The following ALKBH4 variants were observed in gnomAD, a reference collection of about 807,000 sequenced individuals.
The protein encoded by ALKBH4 is alpha-ketoglutarate-dependent dioxygenase alkB homolog 4.
A neutral mutation model predicts 12.1 loss-of-function variants in ALKBH4; 8 were observed. The observed-to-expected ratio is 0.66, with a 90% CI of 0.39 to 1.19. The LOEUF (loss-of-function observed/expected upper bound fraction) is 1.19, where lower values mean the gene tolerates loss of function less well. Among genes scored for constraint, ALKBH4 ranks in the 50% most tolerant of loss-of-function variants. The pLI, the probability that ALKBH4 is intolerant of heterozygous loss-of-function variation, is 0.01. For missense variants in ALKBH4, 403 were observed against 430.4 expected (o/e 0.94, Z 0.56); for synonymous variants, 195 against 191.6 (o/e 1.02, Z -0.15).
At chr7:102,461,928 C>G (rs1184934256) in intron 1 of ALKBH4, among the ~76,000 whole-genome samples, 1 of 152,190 alleles carries the variant, frequency 6.6e-6, no homozygotes, top group Non-Finnish European at 1.5e-5. Context: ...CCTGGGCTGC[C>G]ACTCACTGTG....
chr7:102,459,218 AG>A (rs1199457910), intron 2 of ALKBH4, among the ~76,000 whole-genome samples: 4 of 151,034 alleles, frequency 2.6e-5, no homozygotes, highest in Non-Finnish European at 4.4e-5. Context: ...CAGGTGGGGA[AG>A]GAGTTGGAGG....
At chr7:102,459,436 C>A (rs901454951) in intron 2 of ALKBH4, 168 bp downstream of exon 2, 2 of 751,070 alleles carry the variant, frequency 2.7e-6, no homozygotes, top group East Asian at 5.5e-5. Context: ...ATCGGACACA[C>A]GTCCTGCAGC....
rs1797672843 is a variant in ALKBH4 at position 102,457,193 on chromosome 7, A to C, written c.*201T>G. ...GACTGTGACAAACTAAATAACCAAA[A>C]AAGTGTGGCCACGGTCCAGGTGGAA... On this transcript the variant is annotated 3_prime_UTR_variant, in exon 3 of 3. Coordinates refer to ENST00000292566, the MANE Select transcript of ALKBH4 (RefSeq NM_017621.4). The surrounding 1 kb of genome is among the most constrained non-coding windows in gnomAD (Gnocchi z 5.9). 1 of 579,724 alleles carries C rather than the reference A, an allele frequency of 1.7e-6. No individual in the cohort carries two copies. The highest frequency in any genetic ancestry group is 3.0e-6 in the Non-Finnish European group (1 of 336,152). The allele number at this position is 579,724 out of a possible 1,614,324, so 35.9% of individuals were successfully genotyped here.
chr7:102,457,163 C>A lies in ALKBH4; in HGVS notation c.*231G>T. 1.9e-6 allele frequency: 1 copy of A among 531,388 alleles called. No homozygotes were observed. The highest frequency in any genetic ancestry group is 3.3e-6 in the Non-Finnish European group (1 of 299,600). 32.9% of individuals were successfully genotyped at this position (531,388 alleles called of 1,614,324 possible). On this transcript the variant is annotated 3_prime_UTR_variant, in exon 3 of 3. Coordinates refer to ENST00000292566, the MANE Select transcript of ALKBH4 (RefSeq NM_017621.4). This position sits in a 1 kb window ranked among gnomAD's most constrained non-coding sequence, Gnocchi z 5.9. ...TTTTAAGCTCAAATGATCCCATGTC[C>A]CCAAGACTGTGACAAACTAAATAAC...
intron 2 of ALKBH4, 102 bp downstream of exon 2, chr7:102,459,502 G>A (rs1304270666): frequency 3.5e-6 from 5 of 1,414,540 alleles, no homozygotes; most frequent in Middle Eastern, 4.7e-4. Flanking sequence ...ACCAACCCTG[G>A]AGGTTTGAGG....
At chr7:102,464,047 C>CG (rs1411342445) in intron 1 of ALKBH4, among the ~76,000 whole-genome samples, 6 of 152,038 alleles carry the variant, frequency 3.9e-5, no homozygotes, top group Non-Finnish European at 7.4e-5. Flanking sequence ...CTCCCCCCCC[C>CG]CACAACCTCT....
chr7:102,457,231 G>T lies in ALKBH4; in HGVS notation c.*163C>A, dbSNP rs112794953. On this transcript the variant is annotated 3_prime_UTR_variant, in exon 3 of 3. Transcript: ENST00000292566. The surrounding 1 kb of genome is among the most constrained non-coding windows in gnomAD (Gnocchi z 5.9). ...GGTCCAGGTGGAAGGGGGCTGCCTGGAGGTACGTTCCCATCAAAACCTGCT... is the reference window on the plus strand; with the variant it reads ...GGTCCAGGTGGAAGGGGGCTGCCTGTAGGTACGTTCCCATCAAAACCTGCT... 117 of 748,200 alleles carry T rather than the reference G, an allele frequency of 1.6e-4. No individual in the cohort carries two copies. In the African/African-American group the frequency reaches 1.8e-3, roughly 12 times the overall value. The allele number at this position is 748,200 out of a possible 1,614,324, so 46.3% of individuals were successfully genotyped here. A position where few individuals can be genotyped will look rare whatever the true frequency, so the allele number is the denominator to read the frequency against.
chr7:102,464,711 T>TA lies in ALKBH4; in HGVS notation c.123+2dup, dbSNP rs775896536. 6.5e-7 allele frequency: 1 copy of TA among 1,534,374 alleles called. No homozygotes were observed. The highest frequency in any genetic ancestry group is 8.7e-7 in the Non-Finnish European group (1 of 1,143,790). ...TGGGCGCGGCCCCTCTCCCACCCCT[T>TA]ACCGCTGGGGGCAGCTCCCAGGGCG... On this transcript the variant is annotated splice_region_variant and intron_variant, in intron 1 of 2. Coordinates refer to ENST00000292566, the MANE Select transcript of ALKBH4 (RefSeq NM_017621.4).
At chr7:102,460,454 G>A (rs1797769092) in intron 1 of ALKBH4, among the ~76,000 whole-genome samples, 2 of 152,194 alleles carry the variant, frequency 1.3e-5, no homozygotes, top group African/African-American at 4.8e-5. Flanking sequence ...GAAGGCAGCT[G>A]GAGTCTAGGG....
chr7:102,460,978 CT>C (rs1321323758), intron 1 of ALKBH4, among the ~76,000 whole-genome samples: 1 of 152,196 alleles, frequency 6.6e-6, no homozygotes, highest in African/African-American at 2.4e-5. Context: ...CCCCATGTCC[CT>C]CTCTGCTCTG....
At chr7:102,458,530 C>T (rs1797712310) in intron 2 of ALKBH4, among the ~76,000 whole-genome samples, 1 of 151,704 alleles carries the variant, frequency 6.6e-6, no homozygotes, top group Non-Finnish European at 1.5e-5. Context: ...GACTGAGCCA[C>T]CGTACTCCAG....
At chr7:102,461,956 G>A (rs776175250) in intron 1 of ALKBH4, among the ~76,000 whole-genome samples, 12 of 152,138 alleles carry the variant, frequency 7.9e-5, no homozygotes, top group African/African-American at 2.9e-4. Flanking sequence ...GTCTTTCTCT[G>A]TTCTTCCCTC....
chr7:102,461,969 G>T (rs765372244), intron 1 of ALKBH4, among the ~76,000 whole-genome samples: 5 of 152,146 alleles, frequency 3.3e-5, no homozygotes, highest in Non-Finnish European at 7.3e-5. Flanking sequence ...CTTCCCTCCA[G>T]GGACCTCAGC....
At position 102,459,750 on chromosome 7, in the gene ALKBH4, C is replaced by G; in HGVS notation, c.175G>C (p.Glu59Gln). 3 of 1,613,552 alleles carry G rather than the reference C, an allele frequency of 1.9e-6. No homozygotes were observed. Among genetic ancestry groups the G allele is most frequent in the Non-Finnish European group, 8.5e-7 (1 of 1,179,804 alleles). ...GCCCAGCCCTCAAAGTCAGACTCCT[C>G]TGTGCCCACGGCCCAGCCGGTGTCG... ...CSDTGWAVGT[E>Q]ESDFEGWAFP... The change falls in exon 2 of 3, where the codon GAG (glutamate) becomes CAG (glutamine). Residue 59 changes from glutamate to glutamine, a missense_variant. Transcript: ENST00000292566.
At chr7:102,460,730 G>A (rs1006995062) in intron 1 of ALKBH4, among the ~76,000 whole-genome samples, 3 of 152,148 alleles carry the variant, frequency 2.0e-5, no homozygotes, top group African/African-American at 7.2e-5. Context: ...TTGAATCTGT[G>A]CACCCTAATC....
At position 102,457,826 on chromosome 7, in the gene ALKBH4, G is replaced by T. The variant is rs1475214650; in HGVS notation, c.477C>A (p.Cys159Ter). ...GGTCAATGGCAGAGCCCCGCTCGGG[G>T]CAGTAGTCCAGGTTGCACTGCTCGA... ...RPVEQCNLDYCPERGSAIDPH... is the reference protein window; with the variant it reads ...RPVEQCNLDY The change falls in exon 3 of 3, where the codon TGC becomes TGA. Residue 159 changes from cysteine to a stop codon, truncating the protein, a stop_gained. Transcript: ENST00000292566. LOFTEE classifies it low-confidence loss of function (END_TRUNC). This position sits in a 1 kb window ranked among gnomAD's most constrained non-coding sequence, Gnocchi z 5.9. 1 of 1,610,368 alleles carries T rather than the reference G, an allele frequency of 6.2e-7. No homozygotes were observed. Among genetic ancestry groups the T allele is most frequent in the Non-Finnish European group, 8.5e-7 (1 of 1,179,862 alleles).
At chr7:102,463,209 C>T (rs1362634393) in intron 1 of ALKBH4, among the ~76,000 whole-genome samples, 6 of 151,972 alleles carry the variant, frequency 3.9e-5, no homozygotes, top group Non-Finnish European at 8.8e-5. Flanking sequence ...CCTCGGTCTC[C>T]CAAAGTGCTG....
In ALKBH4 at chr7:102,464,832, G is replaced by T. The variant is rs768502722; in HGVS notation, c.5C>A (p.Ala2Glu). 3 of 1,515,516 alleles carry T rather than the reference G, an allele frequency of 2.0e-6. No individual in the cohort carries two copies. The African/African-American group carries it at 4.3e-5, about 22-fold the overall frequency. The allele number at this position is 1,515,516 out of a possible 1,614,324, so 93.9% of individuals were successfully genotyped here. The change falls in exon 1 of 3, where the codon GCG (alanine) becomes GAG (glutamate). Residue 2 changes from alanine to glutamate, a missense_variant. By Grantham distance (107) the Ala-to-Glu change is moderately radical. Coordinates refer to ENST00000292566, the MANE Select transcript of ALKBH4 (RefSeq NM_017621.4). ...TTCGGGGGTCTCGGCGGCAGCCGCC[G>T]CCATCGCGCCGTCCGCGTGGCCAGT... Reference protein sequence around the residue: MAAAAAETPEVL... With the variant: MEAAAAETPEVL...
rs147621685 is a variant in ALKBH4, at chr7:102,457,523, G to T, written c.780C>A (p.His260Gln). 6.2e-7 allele frequency: 1 copy of T among 1,612,684 alleles called. No homozygotes were observed. Among genetic ancestry groups the T allele is most frequent in the Non-Finnish European group, 8.5e-7 (1 of 1,179,960 alleles). Reference sequence around the variant, plus strand: ...TGACGCAGACGCGGCGGGCCTCGATGTGTCTGCGGTGGATGGCATGCTTCC... The same window carrying T: ...TGACGCAGACGCGGCGGGCCTCGATTTGTCTGCGGTGGATGGCATGCTTCC... ...HQWKHAIHRR[H>Q]IEARRVCVTF... Residue 260 changes from histidine to glutamine, a missense_variant, in exon 3 of 3, where the codon CAC (histidine) becomes CAA (glutamine). By Grantham distance (24) the His-to-Gln change is conservative (BLOSUM62 0). Coordinates refer to ENST00000292566, the MANE Select transcript of ALKBH4 (RefSeq NM_017621.4). This position sits in a 1 kb window ranked among gnomAD's most constrained non-coding sequence, Gnocchi z 5.9.
Sources: allele counts gnomAD v4.1 joint callset (sites outside exome capture counted in the v4.1 genomes callset), GRCh38; gene constraint gnomAD v4.1.1; non-coding constraint Gnocchi (gnomAD v3.1); transcripts MANE v1.5; gene names NCBI Gene and HGNC (gene_info 2026-07-23, HGNC 2026-07-21).